Variants in DOCK1 observed in about 807,000 individuals in gnomAD.
DOCK1 encodes dedicator of cytokinesis 1.
A neutral mutation model predicts 262.7 loss-of-function variants in DOCK1; 138 were observed. The ratio of observed to expected loss-of-function variants is 0.53; its 90% CI spans 0.46 to 0.61. The LOEUF (loss-of-function observed/expected upper bound fraction) is 0.61, where lower values mean the gene tolerates loss of function less well. Ranked by LOEUF, DOCK1 falls within the 20% of genes least tolerant of loss-of-function variation. The pLI is 0.00. For synonymous variants in DOCK1, 866 were observed against 867.4 expected (o/e 1.00, Z 0.03); for missense variants, 1,908 against 2,370.7 (o/e 0.80, Z 4.05).
intron 27 of DOCK1, among the ~76,000 whole-genome samples, chr10:127,204,441 C>T (rs1475807600): frequency 3.9e-5 from 6 of 152,134 alleles, no homozygotes; most frequent in African/African-American, 1.4e-4. Context: ...CATGCACCAC[C>T]ACACCCAGCT....
chr10:127,227,187 G>T (rs1482073005), intron 27 of DOCK1, among the ~76,000 whole-genome samples: 1 of 152,176 alleles, frequency 6.6e-6, no homozygotes, highest in Non-Finnish European at 1.5e-5. Flanking sequence ...CTCACCTGAT[G>T]CCTGCCTGTA....
chr10:127,000,913 G>C (rs907191978), intron 10 of DOCK1: 4 of 155,784 alleles, frequency 2.6e-5, no homozygotes, highest in African/African-American at 9.7e-5. Context: ...TTCCTCCACC[G>C]TGCTGGTGCT....
In DOCK1 at chr10:127,444,246, C is replaced by T. The variant is rs2070381747; in HGVS notation, c.5380C>T (p.Pro1794Ser). The change falls in exon 50 of 52, where the codon CCA becomes TCA. Residue 1794 changes from proline to serine, a missense_variant. Transcript: ENST00000623213. Reference sequence around the variant, plus strand: ...CCAGCAAACACCCCCTCCAGTTACACCAAGGGCCAAGCTCAGCTTCAGCAT... The same window carrying T: ...CCAGCAAACACCCCCTCCAGTTACATCAAGGGCCAAGCTCAGCTTCAGCAT... Reference protein sequence around the residue: ...SSQQTPPPVTPRAKLSFSMQS... With the variant: ...SSQQTPPPVTSRAKLSFSMQS... 2 of 1,611,526 alleles carry T rather than the reference C, an allele frequency of 1.2e-6. No individual in the cohort carries two copies. The highest frequency in any genetic ancestry group is 1.7e-5 in the Admixed American group (1 of 59,404).
chr10:127,417,724 C>T (rs916151198), intron 44 of DOCK1, among the ~76,000 whole-genome samples: 2 of 152,128 alleles, frequency 1.3e-5, no homozygotes, highest in Admixed American at 1.3e-4. Flanking sequence ...TACAGGCATG[C>T]ACCACCACAC....
Position 126,905,507 on chromosome 10 carries a change from C to A in DOCK1, c.-11C>A, listed in dbSNP as rs757856557. 7.5e-6 allele frequency: 4 copies of A among 536,390 alleles called. No homozygotes were observed. Among genetic ancestry groups the A allele is most frequent in the Admixed American group, 5.8e-5 (2 of 34,274 alleles). The allele number at this position is 536,390 out of a possible 1,614,324, so 33.2% of individuals were successfully genotyped here. ...GTTTCCTGCCCGACCCGCGGCGGCT[C>A]CGGCGGCGCCATGACGCGCTGGGTG... On this transcript the variant is annotated 5_prime_UTR_variant, in exon 1 of 52. Coordinates refer to ENST00000623213, the MANE Select transcript of DOCK1 (RefSeq NM_001290223.2).
intron 27 of DOCK1, among the ~76,000 whole-genome samples, chr10:127,129,341 C>T (rs893192804): frequency 1.3e-4 from 20 of 152,284 alleles, no homozygotes; most frequent in African/African-American, 4.3e-4. Flanking sequence ...TAAACTTAAA[C>T]ACTTTTAAGT....
chr10:127,203,225 A>G (rs1222488726), intron 27 of DOCK1, among the ~76,000 whole-genome samples: 2 of 152,334 alleles, frequency 1.3e-5, no homozygotes, highest in East Asian at 1.9e-4. Flanking sequence ...TTCTGGTGCC[A>G]TGTATAATGG....
chr10:127,013,211 AC>A (rs960136443), intron 12 of DOCK1, among the ~76,000 whole-genome samples: 5 of 151,910 alleles, frequency 3.3e-5, no homozygotes, highest in African/African-American at 1.2e-4. Flanking sequence ...GGTGTGAACT[AC>A]CCCCCTTTCT....
intron 29 of DOCK1, among the ~76,000 whole-genome samples, chr10:127,274,708 G>A (rs542540224): frequency 3.9e-5 from 6 of 152,160 alleles, no homozygotes; most frequent in Non-Finnish European, 7.3e-5. Flanking sequence ...ATAAAGAAGC[G>A]GGCTTGCGAG....
chr10:127,061,900 G>A, intron 23 of DOCK1, 124 bp downstream of exon 23: 1 of 488,736 alleles, frequency 2.0e-6, no homozygotes, highest in Non-Finnish European at 3.5e-6. Flanking sequence ...GTTAATGTCA[G>A]AGATCTCAAT....
At position 127,433,444 on chromosome 10, in the gene DOCK1, A is replaced by G; in HGVS notation, c.5060+16A>G. ...GCTCCGACGGGTGAGTCAAGCTCAC[A>G]GCAGGGCTGAGCTGAGCAGTGAGGG... On this transcript the variant is annotated intron_variant, in intron 48 of 51. Coordinates refer to ENST00000623213, the MANE Select transcript of DOCK1 (RefSeq NM_001290223.2). The G allele has an allele frequency of 6.8e-6, 11 of 1,613,422 alleles. No homozygotes were observed. Among genetic ancestry groups the G allele is most frequent in the South Asian group, 1.1e-5 (1 of 91,054 alleles).
chr10:127,140,620 G>A (rs1368831586), intron 27 of DOCK1, among the ~76,000 whole-genome samples: 2 of 152,020 alleles, frequency 1.3e-5, no homozygotes, highest in Admixed American at 6.5e-5. Flanking sequence ...CAAGTCTCTC[G>A]GTTGAGTTTG....
At chr10:126,948,517 C>T (rs1431703022) in intron 1 of DOCK1, among the ~76,000 whole-genome samples, 1 of 151,830 alleles carries the variant, frequency 6.6e-6, no homozygotes, top group East Asian at 1.9e-4. Context: ...CCAGCCGGGC[C>T]TTTTGAGGGC....
chr10:127,451,389 C>G lies in DOCK1; in HGVS notation c.5623C>G (p.Arg1875Gly). The G allele has an allele frequency of 6.3e-7, 1 of 1,598,862 alleles. No individual in the cohort carries two copies. The highest frequency in any genetic ancestry group is 1.1e-5 in the South Asian group (1 of 87,836). ...TPPPPPPKTT[R>G]KQASVDSGIV... Reference sequence around the variant, plus strand: ...GCCTCCTCCCCCTCCAAAGACAACTCGCAAGCAGGCATCGGTGGACTCCGG... The same window carrying G: ...GCCTCCTCCCCCTCCAAAGACAACTGGCAAGCAGGCATCGGTGGACTCCGG... The change falls in exon 52 of 52, where the codon CGC (arginine) becomes GGC (glycine). Residue 1875 changes from arginine (R) to glycine (G), a missense_variant. Transcript: ENST00000623213.
intron 29 of DOCK1, among the ~76,000 whole-genome samples, chr10:127,309,797 T>C (rs974099598): frequency 3.9e-5 from 6 of 152,170 alleles, no homozygotes; most frequent in African/African-American, 4.8e-5. Flanking sequence ...TCAGTGGCAA[T>C]GTTTTTAATC....
At chr10:127,072,086 G>C (rs564162915) in intron 23 of DOCK1, among the ~76,000 whole-genome samples, 2 of 152,072 alleles carry the variant, frequency 1.3e-5, no homozygotes, top group African/African-American at 4.8e-5. Flanking sequence ...CTGTGCCCTC[G>C]GTCTTGGATT....
chr10:126,949,937 A>G (rs970237780), intron 1 of DOCK1, among the ~76,000 whole-genome samples: 4 of 152,014 alleles, frequency 2.6e-5, no homozygotes, highest in African/African-American at 9.7e-5. Context: ...GTTATGCAGC[A>G]TGCAGTGTTG....
At chr10:127,246,381 T>C (rs79904850) in intron 27 of DOCK1, among the ~76,000 whole-genome samples, 4,260 of 152,300 alleles carry the variant, frequency 0.028, 181 homozygotes, top group African/African-American at 0.097. Context: ...AGTGACAGTG[T>C]TGTTATTAAG....
At chr10:127,331,279 GTTTT>G (rs879258619) in intron 29 of DOCK1, among the ~76,000 whole-genome samples, 1 of 151,722 alleles carries the variant, frequency 6.6e-6, no homozygotes, top group African/African-American at 2.4e-5. Flanking sequence ...TGTTGTTTTT[GTTTT>G]TTTTTGTTGT....
Sources: gnomAD v4.1 joint callset for allele counts (sites outside exome capture counted in the v4.1 genomes callset) on GRCh38, gnomAD v4.1.1 for gene constraint, MANE v1.5 for transcripts, NCBI Gene and HGNC (gene_info 2026-07-23, HGNC 2026-07-21) for gene names.